Variants in AIG1 observed in about 807,000 individuals in gnomAD.
The protein encoded by AIG1 is androgen-induced gene 1 protein.
In AIG1, 23 loss-of-function variants were observed where a neutral mutation model predicts 31.4. That is an observed-to-expected ratio of 0.73 (90% CI 0.53 to 1.04). AIG1 has a LOEUF of 1.04. AIG1 is among the 50% of genes least tolerant of loss of function. The pLI is 0.00. For synonymous variants in AIG1, 100 were observed against 110.5 expected (o/e 0.90, Z 0.60); for missense variants, 274 against 295.0 (o/e 0.93, Z 0.52).
At position 143,299,913 on chromosome 6, in the gene AIG1, T is replaced by A. The variant is rs1002200892; in HGVS notation, c.515+15688T>A. On this transcript the variant is annotated intron_variant, in intron 4 of 5. Transcript: ENST00000357847. This position sits in a 1 kb window ranked among gnomAD's most constrained non-coding sequence, Gnocchi z 4.1. ...CTTTCCCTGACATTCTGAGTCAGTG[T>A]CAGGTGCCCCTTTCAAGTGGCACCC... is the stretch of plus-strand genomic sequence containing the variant. Among the ~76,000 whole-genome samples, 3 of 152,186 alleles carry A rather than the reference T, an allele frequency of 2.0e-5. No homozygotes were observed. The highest frequency in any genetic ancestry group is 4.4e-5 in the Non-Finnish European group (3 of 68,034).
At chr6:143,202,687 C>T (rs1286477929) in intron 3 of AIG1, among the ~76,000 whole-genome samples, 2 of 152,070 alleles carry the variant, frequency 1.3e-5, no homozygotes, top group Non-Finnish European at 2.9e-5. Context: ...TGCATTCCCT[C>T]GTGCCCCTGG....
chr6:143,077,224 AT>A (rs1777818958), intron 1 of AIG1, among the ~76,000 whole-genome samples: 1 of 152,204 alleles, frequency 6.6e-6, no homozygotes, highest in Non-Finnish European at 1.5e-5. Context: ...AATTTTTGCT[AT>A]TAACAATAAA....
intron 3 of AIG1, among the ~76,000 whole-genome samples, chr6:143,245,713 A>C (rs955934657): frequency 1.3e-5 from 2 of 152,206 alleles, no homozygotes; most frequent in African/African-American, 4.8e-5. Context: ...AAACACTGGA[A>C]ACTTGATGTT....
At chr6:143,125,726 A>G (rs1190348583) in intron 1 of AIG1, among the ~76,000 whole-genome samples, 2 of 152,210 alleles carry the variant, frequency 1.3e-5, no homozygotes, top group Non-Finnish European at 2.9e-5. Flanking sequence ...TGCCTTCTTT[A>G]GACGGTTGTT....
rs1197557365 is a variant in AIG1 at position 143,279,968 on chromosome 6, G to A, written c.400-4142G>A. Among the ~76,000 whole-genome samples, 1 of 152,172 alleles carries A rather than the reference G, an allele frequency of 6.6e-6. No individual in the cohort carries two copies. The highest frequency in any genetic ancestry group is 6.5e-5 in the Admixed American group (1 of 15,280). ...CAAGTCAAGCCTTGTTTTTAGCTCA[G>A]CTCCTGGGGAATTGTTCTGTTGACA... On this transcript the variant is annotated intron_variant, in intron 3 of 5. Transcript: ENST00000357847. This position sits in a 1 kb window ranked among gnomAD's most constrained non-coding sequence, Gnocchi z 5.4.
intron 3 of AIG1, among the ~76,000 whole-genome samples, chr6:143,169,860 A>G (rs1206963146): frequency 6.6e-6 from 1 of 152,154 alleles, no homozygotes; most frequent in Non-Finnish European, 1.5e-5. Flanking sequence ...TATTGAGATA[A>G]TCATTTGGGT....
intron 3 of AIG1, among the ~76,000 whole-genome samples, chr6:143,275,935 C>G (rs571119494): frequency 6.6e-6 from 1 of 152,200 alleles, no homozygotes; most frequent in Non-Finnish European, 1.5e-5. Context: ...TGGGTCATCT[C>G]TAGCATCCCA....
intron 3 of AIG1, among the ~76,000 whole-genome samples, chr6:143,208,821 T>TA (rs796407336): frequency 1.3e-3 from 204 of 151,912 alleles, no homozygotes; most frequent in African/African-American, 4.8e-3. Flanking sequence ...CTAGGATCCT[T>TA]AAAAAAAATC....
intron 3 of AIG1, among the ~76,000 whole-genome samples, chr6:143,197,676 C>A (rs1429483428): frequency 6.6e-6 from 1 of 152,174 alleles, no homozygotes; most frequent in Non-Finnish European, 1.5e-5. Flanking sequence ...ATCCTCTAGT[C>A]CCTTATTTCC....
chr6:143,251,913 T>C (rs1211535049), intron 3 of AIG1, among the ~76,000 whole-genome samples: 1 of 152,232 alleles, frequency 6.6e-6, no homozygotes, highest in Non-Finnish European at 1.5e-5. Context: ...ATTGATATGC[T>C]CCATTTCTTC....
intron 2 of AIG1, among the ~76,000 whole-genome samples, chr6:143,163,965 G>T (rs1447626505): frequency 6.6e-6 from 1 of 152,114 alleles, no homozygotes; most frequent in Non-Finnish European, 1.5e-5. Context: ...CCATGAAACA[G>T]GAGTCACCTT....
rs192287410 is a variant in AIG1 at position 143,091,614 on chromosome 6, A to C, written c.141+30548A>C. On this transcript the variant is annotated intron_variant, in intron 1 of 5. Coordinates refer to ENST00000357847, the MANE Select transcript of AIG1 (RefSeq NM_016108.4). ...AAGGCACAGTTACGATGGTAAAACA[A>C]AATATTGTTAGTCTCATAGATGCAC... Among the ~76,000 whole-genome samples the C allele has an allele frequency of 4.2e-3, 637 of 152,380 alleles. 6 individuals are homozygous for C. The highest frequency in any genetic ancestry group is 5.3e-3 in the Non-Finnish European group (364 of 68,042).
chr6:143,096,556 G>A (rs1397397589), intron 1 of AIG1, among the ~76,000 whole-genome samples: 2 of 152,060 alleles, frequency 1.3e-5, no homozygotes, highest in East Asian at 1.9e-4. Context: ...CTTAAATTGC[G>A]GTTTTAAATA....
In AIG1 at chr6:143,271,180, C is replaced by G. The variant is rs528607469; in HGVS notation, c.400-12930C>G. Among the ~76,000 whole-genome samples, 4 of 152,338 alleles carry G rather than the reference C, an allele frequency of 2.6e-5. No homozygotes were observed. In the South Asian group the frequency reaches 8.3e-4, roughly 32 times the overall value. ...AGTAATCCAGGAGGACAGATCAAGG[C>G]TTAGTCACTGAAAAATACATGCCAG... On this transcript the variant is annotated intron_variant, in intron 3 of 5. Coordinates refer to ENST00000357847, the MANE Select transcript of AIG1 (RefSeq NM_016108.4).
chr6:143,061,072 G>T lies in AIG1; in HGVS notation c.141+6G>T. On this transcript the variant is annotated splice_donor_region_variant and intron_variant, in intron 1 of 5. Transcript: ENST00000357847. ...TCCTGACGTTCATTGATCTGGTAAG[G>T]CCGTCCCCTCCCCCTGCTCGCCCCG... 6.2e-7 allele frequency: 1 copy of T among 1,611,972 alleles called. No individual in the cohort carries two copies.
intron 3 of AIG1, among the ~76,000 whole-genome samples, chr6:143,246,058 T>A (rs1048567313): frequency 6.6e-6 from 1 of 152,142 alleles, no homozygotes; most frequent in Non-Finnish European, 1.5e-5. Flanking sequence ...TAAGAAAGTT[T>A]AGAAATTCGC....
At chr6:143,064,382 A>G (rs1188097598) in intron 1 of AIG1, among the ~76,000 whole-genome samples, 1 of 152,188 alleles carries the variant, frequency 6.6e-6, no homozygotes. Flanking sequence ...GAGCCAGGAG[A>G]CAAGGGGTGT....
At chr6:143,077,606 C>T (rs1456208355) in intron 1 of AIG1, among the ~76,000 whole-genome samples, 1 of 152,116 alleles carries the variant, frequency 6.6e-6, no homozygotes, top group Non-Finnish European at 1.5e-5. Flanking sequence ...CCTCTGGTTG[C>T]CTTTATATTT....
Position 143,068,324 on chromosome 6 carries a change from G to C in AIG1, c.141+7258G>C, listed in dbSNP as rs77002104. 4.6e-4 allele frequency among the ~76,000 whole-genome samples: 70 copies of C among 152,320 alleles called. 1 individual carries two copies. In the East Asian group the frequency reaches 0.013, roughly 29 times the overall value. On this transcript the variant is annotated intron_variant, in intron 1 of 5. Transcript: ENST00000357847. ...ATGTTCATGTGATCCAAGCGTGCTTGGAAAAATCTTACTGCTTAGGATTCT... is the reference window on the plus strand; with the variant it reads ...ATGTTCATGTGATCCAAGCGTGCTTCGAAAAATCTTACTGCTTAGGATTCT...
Sources: gnomAD v4.1 joint callset for allele counts (sites outside exome capture counted in the v4.1 genomes callset) on GRCh38, gnomAD v4.1.1 for gene constraint, Gnocchi (gnomAD v3.1) non-coding constraint, MANE v1.5 for transcripts, NCBI Gene and HGNC (gene_info 2026-07-23, HGNC 2026-07-21) for gene names.